DENND2A: variants seen among roughly 807,000 people sequenced by gnomAD.
DENND2A encodes DENN domain-containing protein 2A.
In DENND2A, 53 loss-of-function variants were observed where a neutral mutation model predicts 105.3. That is an observed-to-expected ratio of 0.50 (90% CI 0.40 to 0.63). DENND2A has a LOEUF of 0.63. Among genes scored for constraint, DENND2A ranks in the 30% least tolerant of loss-of-function variants. The probability of loss-of-function intolerance (pLI) is 0.00; values close to 1 mark genes in which losing one functional copy is unlikely to be tolerated. For synonymous variants in DENND2A, 522 were observed against 508.4 expected (o/e 1.03, Z -0.36); for missense variants, 1,138 against 1,279.6 (o/e 0.89, Z 1.69).
intron 1 of DENND2A, among the ~76,000 whole-genome samples, chr7:140,618,749 GT>G (rs372640446): frequency 1.9e-4 from 29 of 151,862 alleles, no homozygotes; most frequent in African/African-American, 6.8e-4. Context: ...ATGGGAGAAA[GT>G]TTTTTGGTGT....
At chr7:140,615,508 G>T (rs2130710736) in intron 1 of DENND2A, among the ~76,000 whole-genome samples, 1 of 151,194 alleles carries the variant, frequency 6.6e-6, no homozygotes, top group South Asian at 2.1e-4. Context: ...AACAACCAAA[G>T]TCTGCCCATT....
At chr7:140,528,513 T>TA (rs1174313479) in intron 14 of DENND2A, among the ~76,000 whole-genome samples, 1 of 152,112 alleles carries the variant, frequency 6.6e-6, no homozygotes, top group African/African-American at 2.4e-5. Context: ...CTCACGCCTG[T>TA]AATCCCAGCA....
intron 19 of DENND2A, 48 bp downstream of exon 19, chr7:140,519,584 G>A: frequency 6.4e-7 from 1 of 1,555,580 alleles, no homozygotes; most frequent in Non-Finnish European, 8.9e-7. Context: ...CTCCGAGACA[G>A]ACAGCTCAGA....
At position 140,521,909 on chromosome 7, in the gene DENND2A, G is replaced by A; in HGVS notation, c.2857C>T (p.Gln953Ter). The change falls in exon 18 of 20, where the codon CAG (glutamine) becomes TAG (stop). Residue 953 changes from glutamine to a stop codon, truncating the protein, a stop_gained. Transcript: ENST00000496613. LOFTEE classifies it high-confidence loss of function. ...RHFLEVFMET[Q>*]MFRGFIQERE... ...TCCTGGATGAAGCCCCGAAACATCT[G>A]AGTCTCCATGAAGACCTCCAGGAAG... The A allele has an allele frequency of 6.2e-7, 1 of 1,614,160 alleles. No homozygotes were observed. The highest frequency in any genetic ancestry group is 8.5e-7 in the Non-Finnish European group (1 of 1,180,044).
chr7:140,580,379 G>T (rs554244806), intron 5 of DENND2A, among the ~76,000 whole-genome samples: 2 of 152,092 alleles, frequency 1.3e-5, no homozygotes, highest in Non-Finnish European at 2.9e-5. Flanking sequence ...GAGAGCTGTG[G>T]CACAAAAATA....
chr7:140,528,439 CT>C (rs1183385374), intron 14 of DENND2A, among the ~76,000 whole-genome samples: 3 of 152,112 alleles, frequency 2.0e-5, no homozygotes, highest in African/African-American at 7.2e-5. Context: ...ACAGTTGAGC[CT>C]TACCCAGAAT....
At chr7:140,604,811 G>A (rs1296385468) in intron 2 of DENND2A, among the ~76,000 whole-genome samples, 1 of 152,156 alleles carries the variant, frequency 6.6e-6, no homozygotes, top group Non-Finnish European at 1.5e-5. Flanking sequence ...TGAGTCAGAG[G>A]CCACATTTAT....
chr7:140,572,798 G>A (rs1475470698), intron 6 of DENND2A, among the ~76,000 whole-genome samples: 4 of 150,934 alleles, frequency 2.7e-5, no homozygotes, highest in Admixed American at 6.6e-5. Flanking sequence ...AGGAGTTCAG[G>A]ATGTAACTCC....
rs1798009743 is a variant in DENND2A at position 140,569,656 on chromosome 7, T to C, written c.1529A>G (p.Asn510Ser). 6.2e-7 allele frequency: 1 copy of C among 1,611,090 alleles called. No homozygotes were observed. The highest frequency in any genetic ancestry group is 1.7e-5 in the Admixed American group (1 of 60,002). The stretch of plus-strand genomic sequence containing the variant: ...GGTGGGGGTTCTACCTTTTCCTGAG[T>C]TGCTCTCCATTGACTGGGACAGCCT... The part of the protein sequence containing the change: ...VKRLSQSMES[N>S]SGKVTDENSE... The change falls in exon 7 of 20, where the codon AAC (asparagine) becomes AGC (serine). Residue 510 changes from asparagine to serine, a missense_variant. By Grantham distance (46) the Asn-to-Ser change is conservative (BLOSUM62 1). Coordinates refer to ENST00000496613, the MANE Select transcript of DENND2A (RefSeq NM_015689.5).
rs1425737072 is a variant in DENND2A, at chr7:140,576,084, C to T, written c.1246-2076G>A. Reference sequence around the variant, plus strand: ...ATTGACATTTTTTCATACTTCAATGCGCCAACTGTATTTTTCTTTAGTGTA... The same window carrying T: ...ATTGACATTTTTTCATACTTCAATGTGCCAACTGTATTTTTCTTTAGTGTA... On this transcript the variant is annotated intron_variant, in intron 5 of 19. Coordinates refer to ENST00000496613, the MANE Select transcript of DENND2A (RefSeq NM_015689.5). Among the ~76,000 whole-genome samples, 9 of 151,232 alleles carry T rather than the reference C, an allele frequency of 6.0e-5. No individual in the cohort carries two copies. The South Asian group carries it at 6.2e-4, about 10-fold the overall frequency.
intron 1 of DENND2A, among the ~76,000 whole-genome samples, chr7:140,607,766 C>CCACCACCGCCACCACCCTCCA (rs1442011289): frequency 1.3e-5 from 2 of 152,140 alleles, no homozygotes; most frequent in Non-Finnish European, 2.9e-5. Flanking sequence ...CAGCCCCTCC[C>CCACCACCGCCACCACCCTCCA]CACCACCGCC....
intron 3 of DENND2A, among the ~76,000 whole-genome samples, chr7:140,596,187 G>C (rs1799277589): frequency 6.6e-6 from 1 of 152,182 alleles, no homozygotes; most frequent in South Asian, 2.1e-4. Flanking sequence ...GAAATGACAT[G>C]AAAATCACTC....
In DENND2A at chr7:140,518,748, A is replaced by G. The variant is rs565655946; in HGVS notation, c.2999-10T>C. ...AATTTCATTTTATTGCCTAAAAAAA[A>G]GGAAAATGAGAACATTTCACAAGGC... On this transcript the variant is annotated splice_polypyrimidine_tract_variant and intron_variant, in intron 19 of 19. Coordinates refer to ENST00000496613, the MANE Select transcript of DENND2A (RefSeq NM_015689.5). The G allele has an allele frequency of 7.6e-5, 123 of 1,612,716 alleles. No individual in the cohort carries two copies. In the Admixed American group the frequency reaches 1.7e-3, roughly 23 times the overall value.
intron 1 of DENND2A, among the ~76,000 whole-genome samples, chr7:140,616,435 G>T (rs1800088805): frequency 6.6e-6 from 1 of 152,058 alleles, no homozygotes; most frequent in African/African-American, 2.4e-5. Flanking sequence ...GCTAAGTGAG[G>T]CGGGGAAGTA....
chr7:140,578,699 G>A (rs950091443), intron 5 of DENND2A, among the ~76,000 whole-genome samples: 22 of 151,958 alleles, frequency 1.4e-4, no homozygotes, highest in African/African-American at 5.1e-4. Flanking sequence ...TGGCCAACAC[G>A]GCGAAACCCC....
chr7:140,636,965 T>G (rs1024563646), intron 1 of DENND2A, among the ~76,000 whole-genome samples: 3 of 152,092 alleles, frequency 2.0e-5, no homozygotes, highest in Non-Finnish European at 4.4e-5. Context: ...GTTCAAGTGA[T>G]TCTCCTGCCT....
chr7:140,540,906 C>T (rs1171069255), intron 14 of DENND2A, among the ~76,000 whole-genome samples: 5 of 152,000 alleles, frequency 3.3e-5, no homozygotes, highest in African/African-American at 9.7e-5. Flanking sequence ...TTAGTAGAGA[C>T]GGGATTTCAC....
chr7:140,566,206 A>G (rs1265589844), intron 9 of DENND2A, among the ~76,000 whole-genome samples: 1 of 152,028 alleles, frequency 6.6e-6, no homozygotes, highest in Non-Finnish European at 1.5e-5. Context: ...TAATTTTTGT[A>G]TTTTTAGTAG....
chr7:140,597,560 C>T (rs1328384434), intron 3 of DENND2A, among the ~76,000 whole-genome samples: 1 of 152,042 alleles, frequency 6.6e-6, no homozygotes. Context: ...TCAAACTGGC[C>T]AAGAAAAATT....
Sources: gnomAD v4.1 joint callset for allele counts (sites outside exome capture counted in the v4.1 genomes callset) on GRCh38, gnomAD v4.1.1 for gene constraint, MANE v1.5 for transcripts, NCBI Gene and HGNC (gene_info 2026-07-23, HGNC 2026-07-21) for gene names.